Variants in RICTOR observed in about 807,000 individuals in gnomAD.
RICTOR encodes the protein rapamycin-insensitive companion of mTOR.
In RICTOR, 49 loss-of-function variants were observed where a neutral mutation model predicts 214.9. The ratio of observed to expected loss-of-function variants is 0.23; its 90% CI spans 0.18 to 0.29. RICTOR has a LOEUF of 0.29. RICTOR is among the 10% of genes least tolerant of loss of function. RICTOR has a pLI of 1.00. For missense variants in RICTOR, 1,625 were observed against 2,047.0 expected (o/e 0.79, Z 3.98); for synonymous variants, 717 against 711.3 (o/e 1.01, Z -0.13).
rs975839766 is a variant in RICTOR at position 39,040,560 on chromosome 5, A to G, written c.98-19424T>C. 9.9e-5 allele frequency among the ~76,000 whole-genome samples: 15 copies of G among 152,220 alleles called. No homozygotes were observed. The East Asian group carries it at 2.9e-3, about 29-fold the overall frequency. ...ACTTAGAATATGTTTTATAATATAA[A>G]CAACTTAAAATATTTTAAAATTAAA... On this transcript the variant is annotated intron_variant, in intron 2 of 37. Coordinates refer to ENST00000357387, the MANE Select transcript of RICTOR (RefSeq NM_152756.5).
chr5:39,037,226 A>G (rs1756786095), intron 2 of RICTOR, among the ~76,000 whole-genome samples: 1 of 152,238 alleles, frequency 6.6e-6, no homozygotes, highest in Admixed American at 6.5e-5. Flanking sequence ...TACTGGGTAC[A>G]TAACGAAATG....
At chr5:39,052,090 T>C (rs1757897772) in intron 2 of RICTOR, among the ~76,000 whole-genome samples, 2 of 152,124 alleles carry the variant, frequency 1.3e-5, no homozygotes, top group South Asian at 2.1e-4. Flanking sequence ...CAAGGGTAAA[T>C]AGGCCAGGCG....
At chr5:39,033,061 TG>T (rs1179186853) in intron 2 of RICTOR, among the ~76,000 whole-genome samples, 2 of 152,252 alleles carry the variant, frequency 1.3e-5, no homozygotes, top group African/African-American at 4.8e-5. Context: ...GGTGTACCAC[TG>T]TAATTATTAA....
Position 38,945,603 on chromosome 5 carries a change from T to C in RICTOR, c.4521A>G (p.Thr1507=), listed in dbSNP as rs1378020838. The C allele has an allele frequency of 3.7e-6, 6 of 1,613,790 alleles. No homozygotes were observed. The Middle Eastern group carries it at 8.2e-4, about 222-fold the overall frequency. Residue 1507 remains threonine, a synonymous_variant, in exon 34 of 38, where the codon ACA becomes ACG. Coordinates refer to ENST00000357387, the MANE Select transcript of RICTOR (RefSeq NM_152756.5). The part of the protein sequence containing the change: ...HSDASLFLES[T]EDTGLQEHTD... ...TATGTTCCTGTAGTCCAGTGTCTTC[T>C]GTACTTTCTAAAAACAGAGAGGCAT...
chr5:38,965,716 T>C (rs1446942731), intron 15 of RICTOR, among the ~76,000 whole-genome samples: 1 of 151,984 alleles, frequency 6.6e-6, no homozygotes, highest in Non-Finnish European at 1.5e-5. Context: ...AATTCACTGA[T>C]TTAAAAAAAG....
At chr5:38,943,128 C>A in intron 36 of RICTOR, 157 bp from the exon 37 acceptor site, 1 of 508,448 alleles carries the variant, frequency 2.0e-6, no homozygotes, top group Non-Finnish European at 3.5e-6. Context: ...TTAAATATTC[C>A]TGTCACACAC....
Position 38,958,612 on chromosome 5 carries a change from C to G in RICTOR, c.2343+55G>C, listed in dbSNP as rs555011010. The G allele has an allele frequency of 3.7e-4, 564 of 1,514,002 alleles. 8 individuals carry two copies. The South Asian group carries it at 6.3e-3, about 17-fold the overall frequency. 93.8% of individuals were successfully genotyped at this position (1,514,002 alleles called of 1,614,324 possible). Reference sequence around the variant, plus strand: ...CTATTATATACTTTTACATAATTGTCAAATGAGTATTTCAAAAAAATTTAA... The same window carrying G: ...CTATTATATACTTTTACATAATTGTGAAATGAGTATTTCAAAAAAATTTAA... On this transcript the variant is annotated intron_variant, in intron 23 of 37. Transcript: ENST00000357387.
chr5:39,022,027 A>C (rs1580122734), intron 2 of RICTOR, among the ~76,000 whole-genome samples: 1 of 152,184 alleles, frequency 6.6e-6, no homozygotes, highest in East Asian at 1.9e-4. Context: ...TACTTCAAGA[A>C]CCCATAAAAC....
intron 15 of RICTOR, 135 bp downstream of exon 15, chr5:38,966,506 A>G (rs1750237033): frequency 3.2e-6 from 2 of 623,868 alleles, no homozygotes; most frequent in Non-Finnish European, 5.7e-6. Context: ...GGCTTTTTCT[A>G]ATGCAAAGAT....
In RICTOR at chr5:38,954,935, A is replaced by G. The variant is rs566289179; in HGVS notation, c.2610-74T>C. ...CTAATTAGAACAAAAGAATTTTAAT[A>G]AATGTTTGATAAATAAAATTAGATA... On this transcript the variant is annotated intron_variant, in intron 26 of 37. Coordinates refer to ENST00000357387, the MANE Select transcript of RICTOR (RefSeq NM_152756.5). The G allele has an allele frequency of 1.2e-4, 81 of 698,782 alleles. No individual in the cohort carries two copies. In the East Asian group the frequency reaches 2.2e-3, roughly 19 times the overall value. The allele number at this position is 698,782 out of a possible 1,614,324, so 43.3% of individuals were successfully genotyped here.
At chr5:39,008,420 T>C (rs1171938384) in intron 3 of RICTOR, among the ~76,000 whole-genome samples, 2 of 152,082 alleles carry the variant, frequency 1.3e-5, no homozygotes, top group African/African-American at 4.8e-5. Flanking sequence ...GAGAGGTTAA[T>C]ATGACTTCCT....
At chr5:38,999,601 T>G (rs1753458596) in intron 5 of RICTOR, among the ~76,000 whole-genome samples, 1 of 151,944 alleles carries the variant, frequency 6.6e-6, no homozygotes, top group Admixed American at 6.6e-5. Context: ...GGAAAAATAT[T>G]GTTATTTCAA....
chr5:39,054,456 C>G (rs1758071416), intron 2 of RICTOR, among the ~76,000 whole-genome samples: 1 of 152,220 alleles, frequency 6.6e-6, no homozygotes, highest in East Asian at 1.9e-4. Context: ...TTAACACTAA[C>G]TTCACTCATT....
intron 37 of RICTOR, 121 bp from the exon 38 acceptor site, chr5:38,942,499 G>A (rs1394428411): frequency 1.0e-5 from 5 of 496,210 alleles, no homozygotes; most frequent in African/African-American, 2.0e-5. Context: ...TTCCCAGGAT[G>A]CAGCACAATG....
chr5:38,979,467 A>C (rs12054900), intron 8 of RICTOR, among the ~76,000 whole-genome samples: 25,300 of 152,090 alleles, frequency 0.17, 2,380 homozygotes, highest in East Asian at 0.27. Flanking sequence ...GGTGCTCTTC[A>C]TTCCTTCCTG....
At chr5:38,973,213 G>A (rs1750929353) in intron 10 of RICTOR, among the ~76,000 whole-genome samples, 3 of 152,066 alleles carry the variant, frequency 2.0e-5, no homozygotes, top group African/African-American at 4.8e-5. Flanking sequence ...TTGTCAAAAC[G>A]CATCAAACAG....
chr5:39,069,744 T>A (rs886291410), intron 2 of RICTOR, among the ~76,000 whole-genome samples: 1 of 152,224 alleles, frequency 6.6e-6, no homozygotes, highest in Non-Finnish European at 1.5e-5. Context: ...TCAGATTATA[T>A]CAGCAGCACC....
intron 2 of RICTOR, among the ~76,000 whole-genome samples, chr5:39,069,181 C>T (rs1759122266): frequency 6.6e-6 from 1 of 152,124 alleles, no homozygotes; most frequent in African/African-American, 2.4e-5. Context: ...ATTTTCAGTA[C>T]AGAGGGAGAG....
intron 29 of RICTOR, 47 bp downstream of exon 29, chr5:38,952,938 G>A (rs762224151): frequency 2.6e-6 from 3 of 1,136,264 alleles, no homozygotes; most frequent in East Asian, 2.4e-5. Context: ...ATCCATTTGT[G>A]AATAACAACG....
Sources: allele counts gnomAD v4.1 joint callset (sites outside exome capture counted in the v4.1 genomes callset), GRCh38; gene constraint gnomAD v4.1.1; transcripts MANE v1.5; gene names NCBI Gene and HGNC (gene_info 2026-07-23, HGNC 2026-07-21).